AP1AR: variants seen among roughly 807,000 people sequenced by gnomAD.
AP1AR encodes the protein AP-1 complex-associated regulatory protein.
In AP1AR, 29 loss-of-function variants were observed where a neutral mutation model predicts 46.3. That is an observed-to-expected ratio of 0.63 (90% CI 0.47 to 0.85). The LOEUF (loss-of-function observed/expected upper bound fraction) is 0.85. Ranked by LOEUF, AP1AR falls within the 40% of genes least tolerant of loss-of-function variation. The pLI, the probability that AP1AR is intolerant of heterozygous loss-of-function variation, is 0.00. For missense variants in AP1AR, 357 were observed against 356.3 expected, an observed-to-expected ratio of 1.00 and a Z score of -0.02; for synonymous variants, 122 against 122.9, an observed-to-expected ratio of 0.99 and a Z score of 0.05.
At chr4:112,265,251 A>G (rs770638141) in intron 7 of AP1AR, 184 bp downstream of exon 7, 9 of 496,280 alleles carry the variant, frequency 1.8e-5, no homozygotes, top group Non-Finnish European at 3.2e-5. Context: ...CATTATTATT[A>G]ATTTAAACTG....
intron 6 of AP1AR, 78 bp from the exon 7 acceptor site, chr4:112,264,931 T>C: frequency 9.3e-7 from 1 of 1,077,902 alleles, no homozygotes; most frequent in Non-Finnish European, 1.3e-6. Context: ...AAAAATACTT[T>C]TTGGTGTTGC....
chr4:112,240,996 G>C (rs1026271659), intron 1 of AP1AR, among the ~76,000 whole-genome samples: 5 of 152,168 alleles, frequency 3.3e-5, no homozygotes, highest in African/African-American at 9.7e-5. Context: ...ACAAATTGCA[G>C]AGGACAAATA....
At chr4:112,245,433 C>G (rs1441499957) in intron 1 of AP1AR, among the ~76,000 whole-genome samples, 1 of 152,164 alleles carries the variant, frequency 6.6e-6, no homozygotes, top group East Asian at 1.9e-4. Context: ...TTTATCTACA[C>G]TTGACCTTGG....
intron 3 of AP1AR, among the ~76,000 whole-genome samples, chr4:112,255,053 C>T (rs893038462): frequency 1.3e-5 from 2 of 151,760 alleles, no homozygotes; most frequent in African/African-American, 2.4e-5. Flanking sequence ...CTCCGCCTCC[C>T]GGGTCACGCC....
rs1311089262 is a variant in AP1AR at position 112,265,813 on chromosome 4, T to C, written c.514+6T>C. 1 of 1,580,642 alleles carries C rather than the reference T, an allele frequency of 6.3e-7. No individual in the cohort carries two copies. Among genetic ancestry groups the C allele is most frequent in the Non-Finnish European group, 8.7e-7 (1 of 1,152,888 alleles). ...TGAAGTTTTTCGAAGTAGTAGTAAG[T>C]TTTTTAAAGTATTTTCTGTACTTTT... On this transcript the variant is annotated splice_donor_region_variant and intron_variant, in intron 8 of 9. Coordinates refer to ENST00000274000, the MANE Select transcript of AP1AR (RefSeq NM_018569.6).
chr4:112,233,180 CATAA>C (rs1271113593), intron 1 of AP1AR, among the ~76,000 whole-genome samples: 4 of 152,146 alleles, frequency 2.6e-5, no homozygotes, highest in South Asian at 2.1e-4. Flanking sequence ...AGATGTTCAA[CATAA>C]ATAAATTGCA....
At chr4:112,245,428 C>G (rs1340747984) in intron 1 of AP1AR, among the ~76,000 whole-genome samples, 1 of 152,138 alleles carries the variant, frequency 6.6e-6, no homozygotes, top group Non-Finnish European at 1.5e-5. Context: ...AGATATTTAT[C>G]TACACTTGAC....
intron 1 of AP1AR, among the ~76,000 whole-genome samples, chr4:112,243,582 T>G (rs750691028): frequency 2.6e-5 from 4 of 152,230 alleles, no homozygotes; most frequent in Non-Finnish European, 5.9e-5. Flanking sequence ...AGGAGCAGCT[T>G]CTTATATGAA....
intron 4 of AP1AR, among the ~76,000 whole-genome samples, chr4:112,258,317 T>C (rs1726294267): frequency 6.6e-6 from 1 of 152,216 alleles, no homozygotes; most frequent in East Asian, 1.9e-4. Flanking sequence ...GAACAAATAA[T>C]CCTTACTTTT....
In AP1AR at chr4:112,236,155, A is replaced by G. The variant is rs187871069; in HGVS notation, c.83+3981A>G. Among the ~76,000 whole-genome samples, 10 of 151,768 alleles carry G rather than the reference A, an allele frequency of 6.6e-5. No individual in the cohort carries two copies. The East Asian group carries it at 1.4e-3, about 21-fold the overall frequency. On this transcript the variant is annotated intron_variant, in intron 1 of 9. Coordinates refer to ENST00000274000, the MANE Select transcript of AP1AR (RefSeq NM_018569.6). ...GATATATTCAATTAAATCTCTATAT[A>G]TTATTTTCAGTCTCTCCTTAAACAT...
Position 112,268,598 on chromosome 4 carries a change from C to A in AP1AR, c.*189C>A. 1 of 465,860 alleles carries A rather than the reference C, an allele frequency of 2.1e-6. No homozygotes were observed. Among genetic ancestry groups the A allele is most frequent in the South Asian group, 7.7e-5 (1 of 12,910 alleles). The allele number at this position is 465,860 out of a possible 1,614,324, so 28.9% of individuals were successfully genotyped here. ...GATACAGAATTAAGTGCAATTTCAT[C>A]ATCTGCCTTCTGCTTTTCAAGACCA... On this transcript the variant is annotated 3_prime_UTR_variant, in exon 10 of 10. Transcript: ENST00000274000.
chr4:112,262,693 T>A (rs1403539996), intron 5 of AP1AR, among the ~76,000 whole-genome samples: 3 of 152,196 alleles, frequency 2.0e-5, no homozygotes, highest in Non-Finnish European at 4.4e-5. Flanking sequence ...AATGATTGTT[T>A]AAAATGAAGA....
chr4:112,244,706 T>G (rs1410847457), intron 1 of AP1AR, among the ~76,000 whole-genome samples: 2 of 152,254 alleles, frequency 1.3e-5, no homozygotes, highest in Admixed American at 1.3e-4. Flanking sequence ...CAAAGATGGG[T>G]GAAGGAGACC....
chr4:112,262,831 T>A (rs919474021), intron 5 of AP1AR, among the ~76,000 whole-genome samples, 157 bp from the exon 6 acceptor site: 4 of 152,268 alleles, frequency 2.6e-5, no homozygotes, highest in African/African-American at 4.8e-5. Context: ...AAGAAAAAAT[T>A]TAAACAATTG....
rs1054464371 is a variant in AP1AR at position 112,269,546 on chromosome 4, G to A, written c.*1137G>A. 3 of 152,220 alleles carry A rather than the reference G, an allele frequency of 2.0e-5. No individual in the cohort carries two copies. Among genetic ancestry groups the A allele is most frequent in the Non-Finnish European group, 1.5e-5 (1 of 67,870 alleles). The allele number at this position is 152,220 out of a possible 1,614,324, so 9.4% of individuals were successfully genotyped here. A position where few individuals can be genotyped will look rare whatever the true frequency, so the allele number is the denominator to read the frequency against. ...TTGGTATGATTTTAGTAAGCAAACT[G>A]TTTTTTGGTTTTTCCTTAATGTTTT... On this transcript the variant is annotated 3_prime_UTR_variant, in exon 10 of 10. Transcript: ENST00000274000.
Position 112,268,230 on chromosome 4 carries a change from A to G in AP1AR, c.730A>G (p.Thr244Ala). Residue 244 changes from threonine to alanine, a missense_variant, in exon 10 of 10, where the codon ACT becomes GCT. By Grantham distance (58) the Thr-to-Ala change is moderately conservative. Transcript: ENST00000274000. ...RAALKYSNKK[T>A]GSNPTSASDD... ...AGCACTTAAGTATAGCAACAAGAAG[A>G]CTGGAAGTAATCCTACATCAGCCTC... The G allele has an allele frequency of 1.2e-6, 2 of 1,612,998 alleles. No individual in the cohort carries two copies. The highest frequency in any genetic ancestry group is 1.7e-6 in the Non-Finnish European group (2 of 1,179,308).
intron 1 of AP1AR, among the ~76,000 whole-genome samples, chr4:112,244,087 T>C (rs72894916): frequency 0.1 from 15,949 of 152,176 alleles, 866 homozygotes; most frequent in African/African-American, 0.13. Context: ...TGAAAAAATA[T>C]AAGAGACTAG....
At chr4:112,234,960 A>G (rs1459617866) in intron 1 of AP1AR, among the ~76,000 whole-genome samples, 1 of 152,202 alleles carries the variant, frequency 6.6e-6, no homozygotes, top group Non-Finnish European at 1.5e-5. Context: ...TCAAAACCAG[A>G]ATTACCACTT....
intron 1 of AP1AR, among the ~76,000 whole-genome samples, chr4:112,252,572 A>G (rs912190976): frequency 7.9e-5 from 12 of 152,258 alleles, no homozygotes; most frequent in African/African-American, 2.7e-4. Context: ...ATTTGACTAC[A>G]TATAAGTTTA....
Sources: gnomAD v4.1 joint callset for allele counts (sites outside exome capture counted in the v4.1 genomes callset) on GRCh38, gnomAD v4.1.1 for gene constraint, MANE v1.5 for transcripts, NCBI Gene and HGNC (gene_info 2026-07-23, HGNC 2026-07-21) for gene names.